KCNH8: variants seen among roughly 807,000 people sequenced by gnomAD.
The protein encoded by KCNH8 is potassium voltage-gated channel subfamily H member 8, also known as voltage-gated delayed rectifier potassium channel KCNH8.
In KCNH8, 70 loss-of-function variants were observed where a neutral mutation model predicts 103.6. The observed-to-expected ratio is 0.68, with a 90% CI of 0.56 to 0.82. The LOEUF (loss-of-function observed/expected upper bound fraction) is 0.82. KCNH8 is among the 40% of genes least tolerant of loss of function. The pLI is 0.00. For missense variants in KCNH8, 1,217 were observed against 1,329.9 expected (o/e 0.92, Z 1.32); for synonymous variants, 498 against 489.4 (o/e 1.02, Z -0.23).
At chr3:19,405,677 A>C (rs1464668496) in intron 7 of KCNH8, among the ~76,000 whole-genome samples, 1 of 151,980 alleles carries the variant, frequency 6.6e-6, no homozygotes, top group African/African-American at 2.4e-5. Context: ...TCATAAAAGA[A>C]CATGACATAA....
chr3:19,351,722 A>T (rs1415762341), intron 5 of KCNH8, among the ~76,000 whole-genome samples: 1 of 152,178 alleles, frequency 6.6e-6, no homozygotes, highest in Admixed American at 6.5e-5. Context: ...GCCTTACAAG[A>T]GCTCCTGAAG....
At chr3:19,464,244 G>T (rs2067691343) in intron 11 of KCNH8, among the ~76,000 whole-genome samples, 1 of 151,944 alleles carries the variant, frequency 6.6e-6, no homozygotes, top group African/African-American at 2.4e-5. Context: ...CACACTTTAT[G>T]GTCACCTGAT....
At chr3:19,273,204 TAGAG>T (rs2064615373) in intron 2 of KCNH8, among the ~76,000 whole-genome samples, 1 of 152,194 alleles carries the variant, frequency 6.6e-6, no homozygotes, top group Non-Finnish European at 1.5e-5. Flanking sequence ...CTTGTGCAAT[TAGAG>T]AGGGTTAACT....
chr3:19,170,700 A>G (rs1454868122), intron 1 of KCNH8, among the ~76,000 whole-genome samples: 2 of 147,256 alleles, frequency 1.4e-5, no homozygotes, highest in Non-Finnish European at 3.0e-5. Flanking sequence ...ACACACATAT[A>G]TATACACATA....
At chr3:19,511,509 CTTAGA>C in intron 12 of KCNH8, among the ~76,000 whole-genome samples, 1 of 152,228 alleles carries the variant, frequency 6.6e-6, no homozygotes, top group Non-Finnish European at 1.5e-5. Context: ...TTTCTCATTT[CTTAGA>C]TTAAGTTTGC....
intron 3 of KCNH8, among the ~76,000 whole-genome samples, chr3:19,312,313 G>A (rs778736601): frequency 6.6e-6 from 1 of 151,744 alleles, no homozygotes; most frequent in Non-Finnish European, 1.5e-5. Flanking sequence ...CAGAACATGA[G>A]GAAAACAAGG....
At chr3:19,371,452 G>T (rs1358428061) in intron 5 of KCNH8, among the ~76,000 whole-genome samples, 1 of 149,238 alleles carries the variant, frequency 6.7e-6, no homozygotes, top group Non-Finnish European at 1.5e-5. Flanking sequence ...CTTTTTGATG[G>T]GGTTGTTTGT....
chr3:19,387,954 T>C (rs1481697034), intron 5 of KCNH8, among the ~76,000 whole-genome samples: 2 of 151,724 alleles, frequency 1.3e-5, no homozygotes, highest in Non-Finnish European at 2.9e-5. Context: ...TTTTCAGAAG[T>C]CTGAACCACT....
intron 1 of KCNH8, among the ~76,000 whole-genome samples, chr3:19,225,910 C>T (rs1340982684): frequency 2.0e-5 from 3 of 152,184 alleles, no homozygotes; most frequent in Non-Finnish European, 4.4e-5. Context: ...GTCAGGTATA[C>T]ATGCCAATGA....
chr3:19,372,686 T>C (rs1438000898), intron 5 of KCNH8, among the ~76,000 whole-genome samples: 4 of 152,236 alleles, frequency 2.6e-5, no homozygotes, highest in African/African-American at 7.2e-5. Context: ...CCCTGCCTTC[T>C]GCCCGTTTTC....
chr3:19,163,756 T>C (rs567103642), intron 1 of KCNH8, among the ~76,000 whole-genome samples: 28 of 152,304 alleles, frequency 1.8e-4, no homozygotes, highest in South Asian at 1.0e-3. Flanking sequence ...ACCCCTCCTC[T>C]TCCTCTTCTT....
intron 15 of KCNH8, among the ~76,000 whole-genome samples, chr3:19,522,007 A>T (rs936390926): frequency 1.3e-5 from 2 of 151,896 alleles, no homozygotes; most frequent in African/African-American, 4.8e-5. Context: ...TTGTTATTTC[A>T]TCCTTACTCA....
intron 3 of KCNH8, among the ~76,000 whole-genome samples, chr3:19,295,575 A>G (rs965359084): frequency 2.0e-5 from 3 of 152,118 alleles, no homozygotes; most frequent in Admixed American, 6.6e-5. Context: ...AGCTGTTATG[A>G]TACTGTCATG....
At chr3:19,483,011 A>G (rs1324970018) in intron 11 of KCNH8, among the ~76,000 whole-genome samples, 3 of 151,614 alleles carry the variant, frequency 2.0e-5, no homozygotes, top group Admixed American at 2.0e-4. Context: ...GGCCTATGAT[A>G]TTGTATGATT....
chr3:19,527,725 C>T (rs2069089981), intron 15 of KCNH8, among the ~76,000 whole-genome samples: 1 of 152,106 alleles, frequency 6.6e-6, no homozygotes, highest in African/African-American at 2.4e-5. Flanking sequence ...TGTGGATTAT[C>T]ATGGCCAGTT....
At chr3:19,345,087 C>G (rs909966138) in intron 4 of KCNH8, among the ~76,000 whole-genome samples, 7 of 152,102 alleles carry the variant, frequency 4.6e-5, no homozygotes, top group African/African-American at 1.7e-4. Flanking sequence ...ATATTTTAGT[C>G]TGGCTCTAAC....
intron 14 of KCNH8, among the ~76,000 whole-genome samples, chr3:19,515,844 G>A (rs1196618157): frequency 6.6e-6 from 1 of 152,002 alleles, no homozygotes; most frequent in Non-Finnish European, 1.5e-5. Flanking sequence ...TATACTTGAA[G>A]TTTTCCAGAT....
intron 5 of KCNH8, among the ~76,000 whole-genome samples, chr3:19,354,252 C>T (rs569621346): frequency 2.8e-4 from 43 of 152,270 alleles, no homozygotes; most frequent in African/African-American, 9.6e-4. Flanking sequence ...AATGGAAGAA[C>T]ATTCCATGCT....
At chr3:19,407,402 T>G (rs545149458) in intron 7 of KCNH8, among the ~76,000 whole-genome samples, 1 of 152,144 alleles carries the variant, frequency 6.6e-6, no homozygotes, top group Non-Finnish European at 1.5e-5. Context: ...TGCCCCACCC[T>G]GCCTAGACAT....
Sources: allele counts gnomAD v4.1 joint callset (sites outside exome capture counted in the v4.1 genomes callset), GRCh38; gene constraint gnomAD v4.1.1; transcripts MANE v1.5; gene names NCBI Gene and HGNC (gene_info 2026-07-23, HGNC 2026-07-21).